Variants in ARHGAP42 observed in about 807,000 individuals in gnomAD.
ARHGAP42 encodes rho GTPase-activating protein 42.
In ARHGAP42, 63 loss-of-function variants were observed where a neutral mutation model predicts 125.0. That is an observed-to-expected ratio of 0.50 (90% CI 0.41 to 0.62). ARHGAP42 has a LOEUF of 0.62. Among genes scored for constraint, ARHGAP42 ranks in the 20% least tolerant of loss-of-function variants. ARHGAP42 has a pLI of 0.00. For missense variants in ARHGAP42, 766 were observed against 1,024.2 expected (o/e 0.75, Z 3.44); for synonymous variants, 339 against 351.0 (o/e 0.97, Z 0.38).
intron 12 of ARHGAP42, among the ~76,000 whole-genome samples, chr11:100,959,080 C>T: frequency 3.6e-5 from 1 of 27,444 alleles, no homozygotes; most frequent in Admixed American, 4.7e-4. Flanking sequence ...AAAATCATGT[C>T]ACTACCACGT....
intron 2 of ARHGAP42, among the ~76,000 whole-genome samples, chr11:100,781,542 C>A (rs1371134744): frequency 6.6e-6 from 1 of 152,084 alleles, no homozygotes; most frequent in African/African-American, 2.4e-5. Context: ...TAAATACTTA[C>A]CAAGCACCGA....
chr11:100,869,210 A>G (rs1865643176), intron 4 of ARHGAP42, among the ~76,000 whole-genome samples: 1 of 152,072 alleles, frequency 6.6e-6, no homozygotes, highest in African/African-American at 2.4e-5. Flanking sequence ...CTTATGGAAC[A>G]CTATTAGATA....
intron 4 of ARHGAP42, among the ~76,000 whole-genome samples, chr11:100,887,511 T>C (rs1866120399): frequency 6.6e-6 from 1 of 152,226 alleles, no homozygotes; most frequent in Non-Finnish European, 1.5e-5. Flanking sequence ...GTAATTTCTC[T>C]GAGTCTTTCT....
intron 1 of ARHGAP42, among the ~76,000 whole-genome samples, chr11:100,734,223 G>A (rs964695171): frequency 6.7e-6 from 1 of 149,322 alleles, no homozygotes; most frequent in Non-Finnish European, 1.5e-5. Flanking sequence ...GTGAGCCACC[G>A]CGCCTGGCCC....
At chr11:100,984,813 G>C (rs928870006) in intron 22 of ARHGAP42, among the ~76,000 whole-genome samples, 2 of 152,012 alleles carry the variant, frequency 1.3e-5, no homozygotes, top group Admixed American at 1.3e-4. Context: ...GATACAATAG[G>C]TGACAGTGTT....
chr11:100,782,364 A>G (rs984040067), intron 2 of ARHGAP42, among the ~76,000 whole-genome samples: 1 of 152,246 alleles, frequency 6.6e-6, no homozygotes, highest in African/African-American at 2.4e-5. Flanking sequence ...TAAAATGTGA[A>G]TGAAATAATA....
intron 17 of ARHGAP42, among the ~76,000 whole-genome samples, chr11:100,966,020 T>G (rs1858084650): frequency 6.6e-6 from 1 of 152,180 alleles, no homozygotes; most frequent in Admixed American, 6.5e-5. Context: ...AAACTAATGA[T>G]GAAACAATTA....
intron 19 of ARHGAP42, among the ~76,000 whole-genome samples, 161 bp from the exon 20 acceptor site, chr11:100,975,896 A>G (rs745659423): frequency 1.3e-5 from 2 of 152,218 alleles, no homozygotes; most frequent in Admixed American, 1.3e-4. Flanking sequence ...GCCTTTCTCC[A>G]GTACTGAGGA....
rs536612737 is a variant in ARHGAP42 at position 100,810,865 on chromosome 11, T to C, written c.312+15699T>C. 7.9e-5 allele frequency among the ~76,000 whole-genome samples: 12 copies of C among 152,306 alleles called. No homozygotes were observed. The East Asian group carries it at 2.1e-3, about 27-fold the overall frequency. The stretch of plus-strand genomic sequence containing the variant: ...TAAGCTCCTTGAGACTTTGTTTTCT[T>C]TTTTTATAAATGAGGAGTGTTCAGC... On this transcript the variant is annotated intron_variant, in intron 3 of 23. Coordinates refer to ENST00000298815, the MANE Select transcript of ARHGAP42 (RefSeq NM_152432.4).
intron 8 of ARHGAP42, among the ~76,000 whole-genome samples, chr11:100,937,981 T>A (rs1453656938): frequency 6.6e-6 from 1 of 152,112 alleles, no homozygotes; most frequent in Admixed American, 6.6e-5. Flanking sequence ...TATCTTTTGT[T>A]CTAAGATGCT....
intron 4 of ARHGAP42, among the ~76,000 whole-genome samples, chr11:100,872,597 T>G (rs2135161470): frequency 6.6e-6 from 1 of 152,282 alleles, no homozygotes; most frequent in South Asian, 2.1e-4. Context: ...TTCACCATGT[T>G]GGCCAGGCTG....
intron 3 of ARHGAP42, among the ~76,000 whole-genome samples, chr11:100,800,824 T>A (rs1863834050): frequency 6.6e-6 from 1 of 152,190 alleles, no homozygotes; most frequent in South Asian, 2.1e-4. Context: ...TTTCCACAGA[T>A]TATATACAAA....
At chr11:100,740,486 T>C (rs1345830456) in intron 1 of ARHGAP42, among the ~76,000 whole-genome samples, 1 of 152,202 alleles carries the variant, frequency 6.6e-6, no homozygotes, top group Non-Finnish European at 1.5e-5. Context: ...GAACTAAGAT[T>C]TGAACCTGTC....
chr11:100,742,174 C>G (rs1435387690), intron 1 of ARHGAP42, among the ~76,000 whole-genome samples: 1 of 152,218 alleles, frequency 6.6e-6, no homozygotes, highest in Non-Finnish European at 1.5e-5. Flanking sequence ...AATTCCTCAC[C>G]AGGCTAACTC....
intron 1 of ARHGAP42, among the ~76,000 whole-genome samples, chr11:100,756,556 C>T (rs1040704228): frequency 2.6e-5 from 4 of 152,116 alleles, no homozygotes; most frequent in Non-Finnish European, 5.9e-5. Flanking sequence ...ACGGCATATA[C>T]ATTTGTTAAG....
At chr11:100,757,207 T>C (rs1010837576) in intron 1 of ARHGAP42, among the ~76,000 whole-genome samples, 1 of 152,190 alleles carries the variant, frequency 6.6e-6, no homozygotes. Flanking sequence ...CTTAGCTAAA[T>C]CCAGTATGGT....
chr11:100,819,861 C>T (rs1347996936), intron 3 of ARHGAP42, among the ~76,000 whole-genome samples: 6 of 152,090 alleles, frequency 3.9e-5, no homozygotes, highest in African/African-American at 1.4e-4. Context: ...TTTTTCCTCC[C>T]TGATATTTAG....
intron 1 of ARHGAP42, among the ~76,000 whole-genome samples, chr11:100,695,951 C>T (rs374249174): frequency 1.3e-5 from 2 of 152,018 alleles, no homozygotes; most frequent in Non-Finnish European, 2.9e-5. Flanking sequence ...AGTGGCTGGG[C>T]GTGATGGCTT....
chr11:100,944,132 A>G (rs1175202899), intron 10 of ARHGAP42, among the ~76,000 whole-genome samples: 1 of 152,106 alleles, frequency 6.6e-6, no homozygotes, highest in African/African-American at 2.4e-5. Flanking sequence ...AAGTGCATGT[A>G]GTGGCCTCAT....
Sources: gnomAD v4.1 joint callset for allele counts (sites outside exome capture counted in the v4.1 genomes callset) on GRCh38, gnomAD v4.1.1 for gene constraint, MANE v1.5 for transcripts, NCBI Gene and HGNC (gene_info 2026-07-23, HGNC 2026-07-21) for gene names.